Variants in MYO1B observed in about 807,000 individuals in gnomAD.
The protein encoded by MYO1B is myosin IB, also known as unconventional myosin-Ib.
Under a neutral mutation model 159.7 loss-of-function variants are expected in MYO1B, and 72 were observed. The observed-to-expected ratio is 0.45, with a 90% CI of 0.37 to 0.55. The LOEUF (loss-of-function observed/expected upper bound fraction) is 0.55, where lower values mean the gene tolerates loss of function less well. Ranked by LOEUF, MYO1B falls within the 20% of genes least tolerant of loss-of-function variation. The probability of loss-of-function intolerance (pLI) is 0.00; values close to 1 mark genes in which losing one functional copy is unlikely to be tolerated. For synonymous variants in MYO1B, 468 were observed against 473.8 expected (o/e 0.99, Z 0.16); for missense variants, 1,062 against 1,364.8 (o/e 0.78, Z 3.50).
At chr2:191,369,757 A>G (rs2126036359) in intron 12 of MYO1B, 129 bp downstream of exon 12, 1 of 723,834 alleles carries the variant, frequency 1.4e-6, no homozygotes, top group African/African-American at 1.8e-5. Flanking sequence ...CCTTAAAAAG[A>G]GTGTACCATG....
intron 3 of MYO1B, among the ~76,000 whole-genome samples, chr2:191,315,367 T>C (rs1294144976): frequency 6.6e-6 from 1 of 152,200 alleles, no homozygotes; most frequent in Non-Finnish European, 1.5e-5. Context: ...TTCCCTACTA[T>C]TCAAAATAGT....
At chr2:191,400,290 T>TA in intron 21 of MYO1B, 92 bp from the exon 22 acceptor site, 1 of 1,356,912 alleles carries the variant, frequency 7.4e-7, no homozygotes. Context: ...GCATGGGTGT[T>TA]AGGACGATCA....
chr2:191,247,291 A>C (rs1271174801), intron 1 of MYO1B, among the ~76,000 whole-genome samples: 6 of 152,200 alleles, frequency 3.9e-5, no homozygotes, highest in Non-Finnish European at 7.3e-5. Flanking sequence ...AGGGTCCGCC[A>C]TTAAACCACC....
intron 5 of MYO1B, among the ~76,000 whole-genome samples, chr2:191,344,672 T>C (rs1436706834): frequency 6.7e-6 from 1 of 150,110 alleles, no homozygotes; most frequent in East Asian, 2.0e-4. Context: ...CTACTAAAAA[T>C]ACAAAAAATT....
intron 3 of MYO1B, among the ~76,000 whole-genome samples, chr2:191,323,608 A>G (rs1690866356): frequency 1.3e-5 from 2 of 152,156 alleles, no homozygotes; most frequent in African/African-American, 4.8e-5. Context: ...AAATTTCACA[A>G]AAATATTGTG....
intron 19 of MYO1B, among the ~76,000 whole-genome samples, chr2:191,392,597 A>G (rs1187533880): frequency 6.6e-6 from 1 of 152,210 alleles, no homozygotes; most frequent in Non-Finnish European, 1.5e-5. Flanking sequence ...ATTTTTTTTA[A>G]GTTAAAAAAA....
intron 1 of MYO1B, among the ~76,000 whole-genome samples, chr2:191,258,836 C>G (rs1006354085): frequency 3.3e-5 from 5 of 152,290 alleles, no homozygotes; most frequent in Admixed American, 3.3e-4. Flanking sequence ...ATACTTAGCA[C>G]TGGTTGCCAG....
intron 7 of MYO1B, among the ~76,000 whole-genome samples, chr2:191,357,701 G>A (rs1479148074): frequency 6.6e-6 from 1 of 152,166 alleles, no homozygotes. Flanking sequence ...TAATTCAGGG[G>A]CACATTTAAG....
rs182008612 is a variant in MYO1B, at chr2:191,390,393, G to A, written c.1883G>A (p.Arg628Gln). 1.2e-6 allele frequency: 2 copies of A among 1,614,248 alleles called. No individual in the cohort carries two copies. The highest frequency in any genetic ancestry group is 1.7e-6 in the Non-Finnish European group (2 of 1,180,036). Residue 628 changes from arginine (R) to glutamine (Q), a missense_variant, in exon 18 of 31, where the codon CGG becomes CAG. Arg to Gln is a conservative substitution (Grantham distance 43, BLOSUM62 1). Around this residue, in one of 5 missense-constraint regions of MYO1B, gnomAD observed 609 missense variants for 744.4 expected, o/e 0.82. Transcript: ENST00000392318. ...GGGCTTTTGGAGAACGTCCGAGTGCGGAGGGCAGGCTACGCCTTCAGGCAG... is the reference window on the plus strand; with the variant it reads ...GGGCTTTTGGAGAACGTCCGAGTGCAGAGGGCAGGCTACGCCTTCAGGCAG... ...YLGLLENVRV[R>Q]RAGYAFRQAY...
chr2:191,290,281 G>C (rs1020034007), intron 2 of MYO1B, among the ~76,000 whole-genome samples: 3 of 152,020 alleles, frequency 2.0e-5, no homozygotes, highest in African/African-American at 7.3e-5. Context: ...TTGTTTCTCT[G>C]CTTGCAGAGG....
intron 2 of MYO1B, among the ~76,000 whole-genome samples, chr2:191,284,246 A>G (rs1246359926): frequency 2.6e-5 from 4 of 152,298 alleles, no homozygotes; most frequent in East Asian, 3.9e-4. Flanking sequence ...CCCTCTACAC[A>G]TGCATCTGTG....
intron 2 of MYO1B, among the ~76,000 whole-genome samples, chr2:191,284,230 A>G (rs896651613): frequency 4.6e-5 from 7 of 152,222 alleles, no homozygotes; most frequent in Admixed American, 4.6e-4. Flanking sequence ...GGCCAGTTCA[A>G]CTGTCCCCTC....
intron 10 of MYO1B, 37 bp from the exon 11 acceptor site, chr2:191,364,121 C>G: frequency 6.6e-7 from 1 of 1,508,008 alleles, no homozygotes; most frequent in Non-Finnish European, 9.2e-7. Context: ...AGCACGTGTA[C>G]AGTCACTTTT....
intron 4 of MYO1B, among the ~76,000 whole-genome samples, chr2:191,332,119 C>T (rs768467851): frequency 3.9e-5 from 6 of 152,078 alleles, no homozygotes; most frequent in East Asian, 1.9e-4. Context: ...CCCACCACCA[C>T]GCCCGGCTAA....
chr2:191,414,094 C>A lies in MYO1B; in HGVS notation c.2920C>A (p.Pro974Thr). 6.2e-7 allele frequency: 1 copy of A among 1,612,610 alleles called. No homozygotes were observed. Among genetic ancestry groups the A allele is most frequent in the Non-Finnish European group, 8.5e-7 (1 of 1,179,304 alleles). Reference sequence around the variant, plus strand: ...GGCTTACCTGGAAATCAACAAGAACCCCAAGTATAAGAAACTCAAAGATGC... The same window carrying A: ...GGCTTACCTGGAAATCAACAAGAACACCAAGTATAAGAAACTCAAAGATGC... ...QGAYLEINKN[P>T]KYKKLKDAIE... The change falls in exon 28 of 31, where the codon CCC (proline) becomes ACC (threonine). Residue 974 changes from proline (P) to threonine (T), a missense_variant. Pro to Thr is a conservative substitution (Grantham distance 38, BLOSUM62 -1). Coordinates refer to ENST00000392318, the MANE Select transcript of MYO1B (RefSeq NM_001130158.3).
At chr2:191,410,302 A>G (rs1184634390) in intron 26 of MYO1B, among the ~76,000 whole-genome samples, 1 of 152,132 alleles carries the variant, frequency 6.6e-6, no homozygotes, top group Non-Finnish European at 1.5e-5. Context: ...TTTCCATGGA[A>G]AGGGTCAGCA....
intron 2 of MYO1B, among the ~76,000 whole-genome samples, chr2:191,282,961 GC>G (rs1423510155): frequency 6.6e-6 from 1 of 152,232 alleles, no homozygotes; most frequent in Non-Finnish European, 1.5e-5. Flanking sequence ...AATTGTGTGT[GC>G]CTTCCAGAGT....
intron 11 of MYO1B, among the ~76,000 whole-genome samples, chr2:191,366,365 T>A (rs1694009282): frequency 6.6e-6 from 1 of 152,090 alleles, no homozygotes; most frequent in African/African-American, 2.4e-5. Flanking sequence ...CCTCAGCTAT[T>A]CGGCTCCTTA....
Position 191,370,242 on chromosome 2 carries a change from A to G in MYO1B, c.1135A>G (p.Arg379Gly). 1 of 1,613,102 alleles carries G rather than the reference A, an allele frequency of 6.2e-7. No individual in the cohort carries two copies. The highest frequency in any genetic ancestry group is 8.5e-7 in the Non-Finnish European group (1 of 1,179,572). ...NESIKAQTKVRKKVMGVLDIY... is the reference protein window; with the variant it reads ...NESIKAQTKVGKKVMGVLDIY... ...CTTTTTAAAGGCACAAACAAAAGTG[A>G]GAAAGAAGGTCATGGGTGTTCTGGA... Residue 379 changes from arginine to glycine, a missense_variant, in exon 13 of 31, where the codon AGA (arginine) becomes GGA (glycine). By Grantham distance (125) the Arg-to-Gly change is moderately radical. Around this residue, in one of 5 missense-constraint regions of MYO1B, gnomAD observed 415 missense variants for 544.0 expected, o/e 0.76. Coordinates refer to ENST00000392318, the MANE Select transcript of MYO1B (RefSeq NM_001130158.3).
Sources: allele counts gnomAD v4.1 joint callset (sites outside exome capture counted in the v4.1 genomes callset), GRCh38; gene constraint gnomAD v4.1.1; regional missense constraint gnomAD v4.1.1; transcripts MANE v1.5; gene names NCBI Gene and HGNC (gene_info 2026-07-23, HGNC 2026-07-21).